Variants in MYOZ1 observed in about 807,000 individuals in gnomAD.
MYOZ1 encodes myozenin-1.
Under a neutral mutation model 28.7 loss-of-function variants are expected in MYOZ1, and 20 were observed. That is an observed-to-expected ratio of 0.70 (90% CI 0.49 to 1.01). The LOEUF (loss-of-function observed/expected upper bound fraction) is 1.01, where lower values mean the gene tolerates loss of function less well. Ranked by LOEUF, MYOZ1 falls within the 50% of genes least tolerant of loss-of-function variation. The pLI, the probability that MYOZ1 is intolerant of heterozygous loss-of-function variation, is 0.00. For synonymous variants in MYOZ1, 144 were observed against 145.8 expected (o/e 0.99, Z 0.09); for missense variants, 371 against 372.4 (o/e 1.00, Z 0.03).
intron 2 of MYOZ1, among the ~76,000 whole-genome samples, chr10:73,638,723 A>G (rs1279262395): frequency 1.3e-5 from 2 of 150,384 alleles, no homozygotes; most frequent in Non-Finnish European, 3.0e-5. Context: ...CTGAAGTGCA[A>G]TGGCGCGATT....
intron 3 of MYOZ1, among the ~76,000 whole-genome samples, chr10:73,635,151 C>T (rs1421117768): frequency 6.6e-6 from 1 of 151,996 alleles, no homozygotes; most frequent in African/African-American, 2.4e-5. Flanking sequence ...TCTCAAACTC[C>T]GACCTCAGAT....
chr10:73,632,932 T>C (rs1454605883), intron 5 of MYOZ1, among the ~76,000 whole-genome samples: 1 of 152,128 alleles, frequency 6.6e-6, no homozygotes, highest in African/African-American at 2.4e-5. Context: ...CTCTTCCCTA[T>C]CCTTTCACAC....
At position 73,637,780 on chromosome 10, in the gene MYOZ1, A is replaced by G; in HGVS notation, c.216T>C (p.Tyr72=). Residue 72 remains tyrosine (Y), a synonymous_variant, in exon 3 of 6, where the codon TAT becomes TAC. Transcript: ENST00000359322. ...CAGAGAAAACATCAGGGTGGTTCTCATAAATAAACTTCTCCACCCTCATCT... is the reference window on the plus strand; with the variant it reads ...CAGAGAAAACATCAGGGTGGTTCTCGTAAATAAACTTCTCCACCCTCATCT... ...LRQMRVEKFI[Y]ENHPDVFSDS... is the part of the protein sequence containing the mutation. 1 of 1,614,128 alleles carries G rather than the reference A, an allele frequency of 6.2e-7. No individual in the cohort carries two copies. Among genetic ancestry groups the G allele is most frequent in the Non-Finnish European group, 8.5e-7 (1 of 1,180,032 alleles).
chr10:73,633,792 C>A, intron 5 of MYOZ1, 108 bp downstream of exon 5: 2 of 1,217,850 alleles, frequency 1.6e-6, no homozygotes, highest in East Asian at 4.9e-5. Flanking sequence ...CATATCCCTG[C>A]CATCTCTCCT....
rs200349316 is a variant in MYOZ1, at chr10:73,637,010, C to CTTTTTT, written c.252+733_252+734insAAAAAA. Among the ~76,000 whole-genome samples, 21 of 137,522 alleles carry CTTTTTT rather than the reference C, an allele frequency of 1.5e-4. 1 individual carries two copies. The highest frequency in any genetic ancestry group is 4.7e-4 in the African/African-American group (16 of 34,260). The allele number at this position is 137,522 out of a possible 152,430, so 90.2% of individuals were successfully genotyped here. A position where few individuals can be genotyped will look rare whatever the true frequency, so the allele number is the denominator to read the frequency against. On this transcript the variant is annotated intron_variant, in intron 3 of 5. Transcript: ENST00000359322. The stretch of plus-strand genomic sequence containing the variant: ...TTATCTTCTTCCTTTTTTCTTTTTT[C>CTTTTTT]TTTCTTTTTTTTTTTTTTTTGAGAC...
intron 2 of MYOZ1, 152 bp downstream of exon 2, chr10:73,639,793 C>G (rs1476282347): frequency 1.5e-6 from 1 of 668,018 alleles, no homozygotes; most frequent in Non-Finnish European, 2.5e-6. Context: ...TCTCCTTACC[C>G]TTCTTAATCT....
At position 73,631,849 on chromosome 10, in the gene MYOZ1, A is replaced by C. The variant is rs2081636680; in HGVS notation, c.*81T>G. On this transcript the variant is annotated 3_prime_UTR_variant, in exon 6 of 6. Transcript: ENST00000359322. ...ATTCCCATAAGGATACTGGATTAAC[A>C]ATGGGGGCTATCTGCTCAGCATTCC... 8.2e-7 allele frequency: 1 copy of C among 1,212,756 alleles called. No individual in the cohort carries two copies. Among genetic ancestry groups the C allele is most frequent in the African/African-American group, 1.5e-5 (1 of 66,484 alleles). The allele number at this position is 1,212,756 out of a possible 1,614,324, so 75.1% of individuals were successfully genotyped here. A position where few individuals can be genotyped will look rare whatever the true frequency, so the allele number is the denominator to read the frequency against.
chr10:73,634,132 A>G (rs555805199), intron 4 of MYOZ1, 67 bp from the exon 5 acceptor site: 2 of 1,555,564 alleles, frequency 1.3e-6, no homozygotes. Flanking sequence ...AGGTAATCCC[A>G]CGCCCCTACA....
intron 4 of MYOZ1, 27 bp downstream of exon 4, chr10:73,634,457 A>G (rs2081654567): frequency 1.9e-6 from 3 of 1,612,314 alleles, no homozygotes; most frequent in Non-Finnish European, 2.5e-6. Flanking sequence ...GGGACCAAAC[A>G]CATTACTCTT....
At chr10:73,639,838 C>A (rs2081692655) in intron 2 of MYOZ1, 107 bp downstream of exon 2, 2 of 1,132,450 alleles carry the variant, frequency 1.8e-6, no homozygotes, top group Admixed American at 2.0e-5. Context: ...GCCTTCCCAC[C>A]ACTTAATTTC....
chr10:73,640,812 G>T (rs1277662217), intron 1 of MYOZ1, among the ~76,000 whole-genome samples: 1 of 152,072 alleles, frequency 6.6e-6, no homozygotes, highest in Non-Finnish European at 1.5e-5. Flanking sequence ...AGGAGATTCA[G>T]CCAAAAACAC....
chr10:73,635,868 G>A (rs2081664343), intron 3 of MYOZ1, among the ~76,000 whole-genome samples: 2 of 152,122 alleles, frequency 1.3e-5, no homozygotes, highest in South Asian at 4.1e-4. Context: ...CACTGTAGCA[G>A]GTGGGGGGAA....
At chr10:73,632,297 C>T in intron 5 of MYOZ1, 136 bp from the exon 6 acceptor site, 10 of 775,212 alleles carry the variant, frequency 1.3e-5, no homozygotes, top group Non-Finnish European at 2.1e-5. Context: ...CTTCTTCTTC[C>T]TTAGCATCCC....
chr10:73,640,044 G>T lies in MYOZ1; in HGVS notation c.-18-9C>A, dbSNP rs1233500412. 2 of 1,611,188 alleles carry T rather than the reference G, an allele frequency of 1.2e-6. No homozygotes were observed. The highest frequency in any genetic ancestry group is 1.1e-5 in the South Asian group (1 of 90,958). On this transcript the variant is annotated splice_polypyrimidine_tract_variant and intron_variant, in intron 1 of 5. Coordinates refer to ENST00000359322, the MANE Select transcript of MYOZ1 (RefSeq NM_021245.4). The stretch of plus-strand genomic sequence containing the variant: ...GTGGAGGTGGATTCAGCCTGGACAG[G>T]GTGGGAAGGAGGAGTTGGTGGATGG...
Position 73,634,896 on chromosome 10 carries a change from G to A in MYOZ1, c.253-163C>T, listed in dbSNP as rs143352705. On this transcript the variant is annotated intron_variant, in intron 3 of 5. Transcript: ENST00000359322. ...TGGGTAGTACATGGGCTGACTAAGA[G>A]AATTAAACTCTTCTTTTTGTTTGTT... is the stretch of plus-strand genomic sequence containing the variant. Among the ~76,000 whole-genome samples the A allele has an allele frequency of 3.2e-4, 49 of 152,262 alleles. No individual in the cohort carries two copies. The East Asian group carries it at 9.3e-3, about 29-fold the overall frequency.
At chr10:73,634,955 G>T (rs543251813) in intron 3 of MYOZ1, among the ~76,000 whole-genome samples, 1 of 151,936 alleles carries the variant, frequency 6.6e-6, no homozygotes, top group African/African-American at 2.4e-5. Flanking sequence ...ACAGAGTTTC[G>T]CCCTTGTTGC....
At chr10:73,640,887 A>G (rs376231713) in intron 1 of MYOZ1, among the ~76,000 whole-genome samples, 2 of 152,210 alleles carry the variant, frequency 1.3e-5, no homozygotes, top group African/African-American at 4.8e-5. Flanking sequence ...CTGGGAAGTC[A>G]TGGCCCTGCT....
At chr10:73,639,618 T>C (rs1038209134) in intron 2 of MYOZ1, among the ~76,000 whole-genome samples, 1 of 152,196 alleles carries the variant, frequency 6.6e-6, no homozygotes, top group African/African-American at 2.4e-5. Context: ...AATTAACCAC[T>C]TATTGAGACC....
chr10:73,632,740 C>T (rs1410467213), intron 5 of MYOZ1, among the ~76,000 whole-genome samples: 1 of 147,438 alleles, frequency 6.8e-6, no homozygotes, highest in Non-Finnish European at 1.5e-5. Context: ...GCCGAGACTG[C>T]ACCACTGCAC....
Sources: gnomAD v4.1 joint callset for allele counts (sites outside exome capture counted in the v4.1 genomes callset) on GRCh38, gnomAD v4.1.1 for gene constraint, MANE v1.5 for transcripts, NCBI Gene and HGNC (gene_info 2026-07-23, HGNC 2026-07-21) for gene names.